GSK3B: variants seen among roughly 807,000 people sequenced by gnomAD.
GSK3B encodes glycogen synthase kinase 3 beta.
Under a neutral mutation model 56.4 loss-of-function variants are expected in GSK3B, and 15 were observed. That is an observed-to-expected ratio of 0.27 (90% confidence interval 0.18 to 0.41). GSK3B has a LOEUF of 0.41. GSK3B is among the 10% of genes least tolerant of loss of function. The pLI, the probability that GSK3B is intolerant of heterozygous loss-of-function variation, is 1.00. For missense variants in GSK3B, 300 were observed against 513.4 expected (o/e 0.58, Z 4.02); for synonymous variants, 181 against 188.9 (o/e 0.96, Z 0.34).
chr3:119,982,953 T>C (rs760335165), intron 2 of GSK3B, among the ~76,000 whole-genome samples: 12 of 152,170 alleles, frequency 7.9e-5, no homozygotes, highest in East Asian at 1.9e-4. Flanking sequence ...AGGGCAGCCA[T>C]AGAGAAAGGT....
At chr3:119,940,110 TTGTG>T (rs56939160) in intron 3 of GSK3B, among the ~76,000 whole-genome samples, 38,797 of 148,918 alleles carry the variant, frequency 0.26, 5,571 homozygotes, top group East Asian at 0.48. Flanking sequence ...GTGTGTGTGT[TTGTG>T]TGTGTGTGTG....
At chr3:119,892,394 T>C (rs1234762499) in intron 7 of GSK3B, among the ~76,000 whole-genome samples, 1 of 152,180 alleles carries the variant, frequency 6.6e-6, no homozygotes, top group African/African-American at 2.4e-5. Context: ...ATCCACTCCC[T>C]TCCGCTCCCT....
chr3:120,074,444 C>A (rs535694644), intron 1 of GSK3B, among the ~76,000 whole-genome samples: 1 of 151,354 alleles, frequency 6.6e-6, no homozygotes, highest in Admixed American at 6.6e-5. Context: ...TTCCACCTCC[C>A]GGGTTCAAGC....
chr3:120,012,326 C>CA (rs1246413117), intron 1 of GSK3B, among the ~76,000 whole-genome samples: 1 of 152,222 alleles, frequency 6.6e-6, no homozygotes, highest in African/African-American at 2.4e-5. Flanking sequence ...TCTGCTTAAA[C>CA]AAAAAATAAC....
At chr3:120,007,668 A>T (rs1035001708) in intron 1 of GSK3B, among the ~76,000 whole-genome samples, 8 of 152,208 alleles carry the variant, frequency 5.3e-5, no homozygotes, top group Non-Finnish European at 7.3e-5. Context: ...GACAAAAACC[A>T]CATGATTATC....
chr3:119,962,607 C>T (rs1352614403), intron 2 of GSK3B, among the ~76,000 whole-genome samples: 1 of 151,924 alleles, frequency 6.6e-6, no homozygotes, highest in Non-Finnish European at 1.5e-5. Flanking sequence ...TATTTGTTTG[C>T]ATATGAAATA....
chr3:119,842,745 A>G (rs549356059), intron 10 of GSK3B, among the ~76,000 whole-genome samples: 4 of 152,228 alleles, frequency 2.6e-5, no homozygotes, highest in Non-Finnish European at 4.4e-5. Context: ...AGATATTTAT[A>G]TCTTATATAT....
At chr3:120,027,787 A>G (rs1440911184) in intron 1 of GSK3B, among the ~76,000 whole-genome samples, 1 of 152,218 alleles carries the variant, frequency 6.6e-6, no homozygotes, top group Non-Finnish European at 1.5e-5. Flanking sequence ...TTTTCTCTAG[A>G]TAGTGAGAAT....
At chr3:119,843,120 G>A (rs570938496) in intron 10 of GSK3B, 135 bp downstream of exon 10, 1 of 418,978 alleles carries the variant, frequency 2.4e-6, no homozygotes, top group Non-Finnish European at 4.7e-6. Context: ...TCACCTTGTT[G>A]GTCAGGCTGG....
intron 1 of GSK3B, among the ~76,000 whole-genome samples, chr3:120,005,974 A>G (rs993408539): frequency 4.6e-5 from 7 of 152,218 alleles, no homozygotes; most frequent in Non-Finnish European, 1.0e-4. Flanking sequence ...TAAAAGACAC[A>G]GGCTGGCAAA....
At chr3:119,850,469 A>C (rs929645289) in intron 9 of GSK3B, among the ~76,000 whole-genome samples, 12 of 152,174 alleles carry the variant, frequency 7.9e-5, no homozygotes, top group African/African-American at 2.7e-4. Flanking sequence ...CCCTGTGAGG[A>C]AGCCTCCTTG....
intron 1 of GSK3B, among the ~76,000 whole-genome samples, chr3:120,015,671 A>C (rs1006258863): frequency 5.0e-4 from 75 of 149,718 alleles, no homozygotes; most frequent in Non-Finnish European, 8.4e-4. Context: ...AAAAAAAAAA[A>C]AAAAAAAACT....
At chr3:119,947,163 T>C in intron 3 of GSK3B, 105 bp downstream of exon 3, 1 of 720,500 alleles carries the variant, frequency 1.4e-6, no homozygotes, top group Non-Finnish European at 2.4e-6. Context: ...TTTCGGAATT[T>C]TTCCATTCCA....
chr3:119,911,000 T>C (rs1427416042), intron 6 of GSK3B, among the ~76,000 whole-genome samples: 1 of 152,310 alleles, frequency 6.6e-6, no homozygotes, highest in African/African-American at 2.4e-5. Context: ...AGAGACTTCC[T>C]TCACTGAAGT....
At chr3:119,970,613 TAAAAAAA>T (rs1170925404) in intron 2 of GSK3B, among the ~76,000 whole-genome samples, 4 of 114,288 alleles carry the variant, frequency 3.5e-5, no homozygotes, top group African/African-American at 9.8e-5. Flanking sequence ...CTACTAAAAT[TAAAAAAA>T]AAAAAAAAAA....
chr3:119,985,071 C>T (rs1429479608), intron 2 of GSK3B, among the ~76,000 whole-genome samples: 1 of 152,158 alleles, frequency 6.6e-6, no homozygotes, highest in Non-Finnish European at 1.5e-5. Context: ...ATCACATAAA[C>T]AGAACCAAAG....
chr3:120,011,938 C>T (rs567850405), intron 1 of GSK3B, among the ~76,000 whole-genome samples: 16 of 152,216 alleles, frequency 1.1e-4, no homozygotes, highest in East Asian at 9.6e-4. Flanking sequence ...TATTTTAAAA[C>T]CTTCCCACTA....
rs559347754 is a variant in GSK3B, at chr3:120,093,321, G to C, written c.88+26C>G. 11 of 1,410,704 alleles carry C rather than the reference G, an allele frequency of 7.8e-6. No individual in the cohort carries two copies. In the African/African-American group the frequency reaches 1.4e-4, roughly 18 times the overall value. 87.4% of individuals were successfully genotyped at this position (1,410,704 alleles called of 1,614,324 possible). ...TTATTTTAAGGGCGAGGTGGAAAAG[G>C]GGTGTAAAATAAAACCAATACTCAC... On this transcript the variant is annotated intron_variant, in intron 1 of 10. Transcript: ENST00000264235.
intron 1 of GSK3B, among the ~76,000 whole-genome samples, chr3:120,066,587 G>A (rs2058282266): frequency 6.6e-6 from 1 of 152,140 alleles, no homozygotes; most frequent in Non-Finnish European, 1.5e-5. Flanking sequence ...TAATAAAATT[G>A]AGGTAAAGTT....
Sources: gnomAD v4.1 joint callset for allele counts (sites outside exome capture counted in the v4.1 genomes callset) on GRCh38, gnomAD v4.1.1 for gene constraint, MANE v1.5 for transcripts, NCBI Gene and HGNC (gene_info 2026-07-23, HGNC 2026-07-21) for gene names.